Variants in UNC13C observed in about 807,000 individuals in gnomAD.
The protein encoded by UNC13C is unc-13 homolog C.
A neutral mutation model predicts 245.4 loss-of-function variants in UNC13C; 174 were observed. The ratio of observed to expected loss-of-function variants is 0.71; its 90% CI spans 0.63 to 0.80. The LOEUF (loss-of-function observed/expected upper bound fraction) is 0.80. Among genes scored for constraint, UNC13C ranks in the 30% least tolerant of loss-of-function variants. The pLI, the probability that UNC13C is intolerant of heterozygous loss-of-function variation, is 0.00. For synonymous variants in UNC13C, 992 were observed against 895.1 expected (o/e 1.11, Z -1.93); for missense variants, 2,829 against 2,602.9 (o/e 1.09, Z -1.89).
At chr15:54,348,073 A>T (rs1449353771) in intron 17 of UNC13C, among the ~76,000 whole-genome samples, 1 of 152,162 alleles carries the variant, frequency 6.6e-6, no homozygotes, top group African/African-American at 2.4e-5. Context: ...CTCAATATTA[A>T]TTTTTGAGAG....
chr15:54,310,911 C>T (rs910547760), intron 13 of UNC13C, among the ~76,000 whole-genome samples: 2 of 151,408 alleles, frequency 1.3e-5, no homozygotes, highest in African/African-American at 4.8e-5. Context: ...TTCTTTTTTC[C>T]TTCAACCATC....
intron 13 of UNC13C, among the ~76,000 whole-genome samples, chr15:54,315,637 A>C (rs1360255908): frequency 1.3e-5 from 2 of 151,634 alleles, no homozygotes; most frequent in East Asian, 3.9e-4. Flanking sequence ...GATGATCCCA[A>C]ATCTAGGTGT....
chr15:54,420,614 A>G (rs1340284143), intron 19 of UNC13C, among the ~76,000 whole-genome samples: 2 of 151,876 alleles, frequency 1.3e-5, no homozygotes, highest in African/African-American at 4.8e-5. Flanking sequence ...TAATATTAGC[A>G]TATTCTTATT....
At chr15:53,855,232 A>T in the UNC13C span, among the ~76,000 whole-genome samples, 2 of 152,186 alleles carry the variant, frequency 1.3e-5, no homozygotes, top group Non-Finnish European at 2.9e-5. Context: ...GAATCATGTC[A>T]TCTGTAAGCA....
At chr15:53,879,555 ATACT>A in the UNC13C span, among the ~76,000 whole-genome samples, 3 of 152,090 alleles carry the variant, frequency 2.0e-5, no homozygotes, top group Admixed American at 2.0e-4. Context: ...TCTTTTAAGT[ATACT>A]TGTTATTTTT....
chr15:54,224,098 T>C (rs2035305728), intron 4 of UNC13C, among the ~76,000 whole-genome samples: 1 of 152,112 alleles, frequency 6.6e-6, no homozygotes, highest in Non-Finnish European at 1.5e-5. Context: ...ATAATTTGAC[T>C]TCTTCCTTTC....
At chr15:53,844,760 C>T in the UNC13C span, among the ~76,000 whole-genome samples, 5 of 152,064 alleles carry the variant, frequency 3.3e-5, no homozygotes, top group Middle Eastern at 3.2e-3. Flanking sequence ...TCTGCTGGAA[C>T]GAACAGTAAA....
chr15:54,292,627 G>C (rs1344269433), intron 10 of UNC13C, among the ~76,000 whole-genome samples: 1 of 151,640 alleles, frequency 6.6e-6, no homozygotes, highest in African/African-American at 2.4e-5. Flanking sequence ...GAAAACCATA[G>C]ATGTCTTTTC....
At chr15:54,491,768 C>T (rs1309091918) in intron 19 of UNC13C, among the ~76,000 whole-genome samples, 7 of 151,992 alleles carry the variant, frequency 4.6e-5, no homozygotes, top group African/African-American at 1.7e-4. Context: ...TTTGGGAGGC[C>T]GAGGCGGGGG....
At chr15:54,185,439 A>C (rs1283075705) in intron 4 of UNC13C, among the ~76,000 whole-genome samples, 2 of 149,894 alleles carry the variant, frequency 1.3e-5, no homozygotes, top group African/African-American at 5.0e-5. Context: ...TCTTGAATTA[A>C]TTTTTGTAGA....
intron 4 of UNC13C, among the ~76,000 whole-genome samples, chr15:54,224,759 A>G (rs929159789): frequency 6.6e-6 from 1 of 152,140 alleles, no homozygotes; most frequent in Non-Finnish European, 1.5e-5. Flanking sequence ...AAATTTAACA[A>G]TGAAGTCATC....
intron 4 of UNC13C, among the ~76,000 whole-genome samples, chr15:54,192,455 C>A (rs1453215087): frequency 6.6e-6 from 1 of 152,068 alleles, no homozygotes; most frequent in African/African-American, 2.4e-5. Context: ...TCCATGAATC[C>A]TTTTAGCCTT....
At chr15:54,508,913 A>G (rs998521817) in intron 23 of UNC13C, among the ~76,000 whole-genome samples, 1 of 152,140 alleles carries the variant, frequency 6.6e-6, no homozygotes, top group Non-Finnish European at 1.5e-5. Context: ...TACGACCATA[A>G]TATAGGCCGG....
At chr15:54,068,834 A>C (rs1475437217) in intron 2 of UNC13C, among the ~76,000 whole-genome samples, 2 of 152,162 alleles carry the variant, frequency 1.3e-5, no homozygotes, top group Admixed American at 6.6e-5. Context: ...TGATCCTATA[A>C]TGAGGGCAAA....
At chr15:54,146,379 G>C (rs1245085641) in intron 4 of UNC13C, among the ~76,000 whole-genome samples, 1 of 152,106 alleles carries the variant, frequency 6.6e-6, no homozygotes, top group East Asian at 1.9e-4. Context: ...GTCAATGACA[G>C]CATAATCTCT....
At chr15:54,170,040 A>T (rs191172605) in intron 4 of UNC13C, among the ~76,000 whole-genome samples, 1 of 147,164 alleles carries the variant, frequency 6.8e-6, no homozygotes, top group African/African-American at 2.5e-5. Flanking sequence ...CCTATCATGT[A>T]CAGGGTATAT....
chr15:53,979,267 A>G (rs1459437903), intron 1 of UNC13C, among the ~76,000 whole-genome samples: 5 of 152,214 alleles, frequency 3.3e-5, no homozygotes, highest in African/African-American at 1.2e-4. Context: ...TTGGAAGAAA[A>G]AAATAGAGCT....
At chr15:53,990,392 AG>A (rs1894332310) in intron 1 of UNC13C, among the ~76,000 whole-genome samples, 1 of 152,042 alleles carries the variant, frequency 6.6e-6, no homozygotes, top group Admixed American at 6.6e-5. Flanking sequence ...GTGAGAATGA[AG>A]GGGCTCTTCT....
chr15:54,622,520 A>G, intron 31 of UNC13C, 101 bp downstream of exon 31: 1 of 862,692 alleles, frequency 1.2e-6, no homozygotes. Flanking sequence ...AAACTGCACA[A>G]TTATTTTAGG....
Sources: allele counts gnomAD v4.1 joint callset (sites outside exome capture counted in the v4.1 genomes callset), GRCh38; gene constraint gnomAD v4.1.1; transcripts MANE v1.5; gene names NCBI Gene and HGNC (gene_info 2026-07-23, HGNC 2026-07-21).